Variants in MUL1 observed in about 807,000 individuals in gnomAD.
MUL1 encodes mitochondrial ubiquitin ligase activator of NFKB 1.
Under a neutral mutation model 34.1 loss-of-function variants are expected in MUL1, and 30 were observed. The observed-to-expected ratio is 0.88, with a 90% CI of 0.66 to 1.19. MUL1 has a LOEUF of 1.19. Among genes scored for constraint, MUL1 ranks in the 50% most tolerant of loss-of-function variants. The pLI, the probability that MUL1 is intolerant of heterozygous loss-of-function variation, is 0.00. For missense variants in MUL1, 419 were observed against 450.5 expected (o/e 0.93, Z 0.63); for synonymous variants, 191 against 187.8 (o/e 1.02, Z -0.14).
intron 1 of MUL1, among the ~76,000 whole-genome samples, chr1:20,507,278 A>T (rs754965108): frequency 2.4e-4 from 37 of 152,270 alleles, no homozygotes; most frequent in Non-Finnish European, 4.6e-4. Flanking sequence ...ACAGTTCAGA[A>T]AAAAGCGCCA....
Position 20,503,142 on chromosome 1 carries a change from T to A in MUL1, c.208+80A>T, listed in dbSNP as rs111957287. 594 of 1,016,730 alleles carry A rather than the reference T, an allele frequency of 5.8e-4. 6 individuals are homozygous for A. In the African/African-American group the frequency reaches 8.5e-3, roughly 14 times the overall value. The allele number at this position is 1,016,730 out of a possible 1,614,324, so 63.0% of individuals were successfully genotyped here. ...CCATGGACCCAACACCACAAAAGGCTCTTCATATTAGCCAAGATGATCTTT... is the reference window on the plus strand; with the variant it reads ...CCATGGACCCAACACCACAAAAGGCACTTCATATTAGCCAAGATGATCTTT... On this transcript the variant is annotated intron_variant, in intron 2 of 3. Transcript: ENST00000264198.
Position 20,502,427 on chromosome 1 carries a change from T to C in MUL1, c.209-238A>G, listed in dbSNP as rs2051671388. Among the ~76,000 whole-genome samples the C allele has an allele frequency of 2.0e-5, 3 of 152,282 alleles. No homozygotes were observed. The South Asian group carries it at 6.2e-4, about 32-fold the overall frequency. On this transcript the variant is annotated intron_variant, in intron 2 of 3. Transcript: ENST00000264198. ...AGCAGGGTGTGGTGGCATGTGCCTGTAGTCCCAGATACTTGGGAGGCTGAG... is the reference window on the plus strand; with the variant it reads ...AGCAGGGTGTGGTGGCATGTGCCTGCAGTCCCAGATACTTGGGAGGCTGAG...
In MUL1 at chr1:20,501,620, G is replaced by A. The variant is rs112204328; in HGVS notation, c.330-201C>T. On this transcript the variant is annotated intron_variant, in intron 3 of 3. Coordinates refer to ENST00000264198, the MANE Select transcript of MUL1 (RefSeq NM_024544.3). This position sits in a 1 kb window ranked among gnomAD's most constrained non-coding sequence, Gnocchi z 4.2. ...CGATATCAGTGGGCAACAAATAACC[G>A]CCACAGACTATCATTTCCCTTTCCA... Among the ~76,000 whole-genome samples, 372 of 152,246 alleles carry A rather than the reference G, an allele frequency of 2.4e-3. 2 individuals are homozygous for A. The highest frequency in any genetic ancestry group is 8.2e-3 in the African/African-American group (342 of 41,544).
chr1:20,507,773 G>A (rs1168905355), intron 1 of MUL1, 132 bp downstream of exon 1: 1 of 1,327,562 alleles, frequency 7.5e-7, no homozygotes, highest in Non-Finnish European at 1.0e-6. Flanking sequence ...CTACTGGCTG[G>A]ATGACACCCT....
rs770403288 is a variant in MUL1 at position 20,500,707 on chromosome 1, G to C, written c.1042C>G (p.Pro348Ala). The change falls in exon 4 of 4, where the codon CCC becomes GCC. Residue 348 changes from proline (P) to alanine (A), a missense_variant. Pro to Ala is a conservative substitution (Grantham distance 27, BLOSUM62 -1). Coordinates refer to ENST00000264198, the MANE Select transcript of MUL1 (RefSeq NM_024544.3). Reference protein sequence around the residue: ...ICRQAITRVIPLYNS With the variant: ...ICRQAITRVIALYNS ...CCAAACTATTAGCTGTTGTACAGGG[G>C]TATCACCCGGGTGATCGCCTGTCTG... 6.3e-7 allele frequency: 1 copy of C among 1,586,908 alleles called. No individual in the cohort carries two copies. The highest frequency in any genetic ancestry group is 8.6e-7 in the Non-Finnish European group (1 of 1,165,498).
At position 20,504,495 on chromosome 1, in the gene MUL1, G is replaced by A. The variant is rs113727665; in HGVS notation, c.121-1186C>T. 2.4e-3 allele frequency among the ~76,000 whole-genome samples: 360 copies of A among 152,348 alleles called. 2 individuals are homozygous for A. The highest frequency in any genetic ancestry group is 8.1e-3 in the African/African-American group (335 of 41,588). ...ATTCAGTAACCTCTAAAGAGGTGAT[G>A]TGATACAAGATGTATATGAAGGTCA... On this transcript the variant is annotated intron_variant, in intron 1 of 3. Coordinates refer to ENST00000264198, the MANE Select transcript of MUL1 (RefSeq NM_024544.3).
chr1:20,505,046 A>G (rs1043831053), intron 1 of MUL1, among the ~76,000 whole-genome samples: 19 of 152,216 alleles, frequency 1.2e-4, no homozygotes, highest in Non-Finnish European at 1.5e-4. Context: ...TCTAGCGCCA[A>G]TGCATCCACT....
At chr1:20,502,335 G>A in intron 2 of MUL1, 146 bp from the exon 3 acceptor site, 11 of 1,087,524 alleles carry the variant, frequency 1.0e-5, no homozygotes, top group Middle Eastern at 3.1e-4. Context: ...GATCACTTGG[G>A]GCCACGAGTT....
At chr1:20,507,381 C>T (rs1008539523) in intron 1 of MUL1, among the ~76,000 whole-genome samples, 32 of 152,294 alleles carry the variant, frequency 2.1e-4, no homozygotes, top group African/African-American at 7.7e-4. Flanking sequence ...GCTGTTCCTT[C>T]CATCTCCCGC....
chr1:20,503,840 G>T (rs1385670289), intron 1 of MUL1, among the ~76,000 whole-genome samples: 1 of 151,694 alleles, frequency 6.6e-6, no homozygotes, highest in Non-Finnish European at 1.5e-5. Flanking sequence ...GCTTCAACAG[G>T]AAGACTGTTA....
At chr1:20,502,966 T>G (rs1292160508) in intron 2 of MUL1, among the ~76,000 whole-genome samples, 1 of 152,144 alleles carries the variant, frequency 6.6e-6, no homozygotes, top group Non-Finnish European at 1.5e-5. Context: ...TCCTAAGCAC[T>G]TTGCATGGAT....
Position 20,501,984 on chromosome 1 carries a change from T to C in MUL1, c.329+85A>G. 1.9e-6 allele frequency: 3 copies of C among 1,567,842 alleles called. No homozygotes were observed. Among genetic ancestry groups the C allele is most frequent in the Admixed American group, 3.4e-5 (2 of 58,872 alleles). ...GGCTTCAACCTGTCTCAGGAGAAGC[T>C]GAAGTCACGGCAACAGCACCCAGGA... On this transcript the variant is annotated intron_variant, in intron 3 of 3. Transcript: ENST00000264198. The surrounding 1 kb of genome is among the most constrained non-coding windows in gnomAD (Gnocchi z 4.2).
chr1:20,503,251 C>T lies in MUL1; in HGVS notation c.179G>A (p.Gly60Glu). Residue 60 changes from glycine (G) to glutamate (E), a missense_variant, in exon 2 of 4, where the codon GGA becomes GAA. Transcript: ENST00000264198. ...DLKSILSEAPGKCVPYAVIEG... is the reference protein window; with the variant it reads ...DLKSILSEAPEKCVPYAVIEG... ...TATAACAGCATAAGGCACGCATTTT[C>T]CTGGAGCTTCTGAAAGAATACTCTT... 6.2e-7 allele frequency: 1 copy of T among 1,610,554 alleles called. No homozygotes were observed.
In MUL1 at chr1:20,507,923, C is replaced by G; in HGVS notation, c.102G>C (p.Arg34=). Residue 34 remains arginine (R), a synonymous_variant, in exon 1 of 4, where the codon CGG becomes CGC. Coordinates refer to ENST00000264198, the MANE Select transcript of MUL1 (RefSeq NM_024544.3). ...ALYSVYRQKA[R]VSQELKGAKK... ...CACTGACCTTGAGCTCTTGGGAGACCCGGGCCTTCTGCCGGTACACGGAGT... is the reference window on the plus strand; with the variant it reads ...CACTGACCTTGAGCTCTTGGGAGACGCGGGCCTTCTGCCGGTACACGGAGT... The G allele has an allele frequency of 6.3e-7, 1 of 1,596,588 alleles. No homozygotes were observed.
chr1:20,507,056 T>G (rs2051722265), intron 1 of MUL1, among the ~76,000 whole-genome samples: 1 of 151,788 alleles, frequency 6.6e-6, no homozygotes, highest in Admixed American at 6.6e-5. Flanking sequence ...GGTGAAACCC[T>G]GTGTCTACTA....
chr1:20,506,175 G>A (rs968772023), intron 1 of MUL1, among the ~76,000 whole-genome samples: 1 of 152,106 alleles, frequency 6.6e-6, no homozygotes, highest in Non-Finnish European at 1.5e-5. Context: ...AAAACAATCT[G>A]ATAATTAAGT....
intron 1 of MUL1, among the ~76,000 whole-genome samples, chr1:20,506,760 A>C (rs1332096504): frequency 6.6e-6 from 1 of 151,834 alleles, no homozygotes; most frequent in Non-Finnish European, 1.5e-5. Flanking sequence ...TGAGGCAGGA[A>C]AATCACTTGA....
chr1:20,503,606 G>A (rs953873474), intron 1 of MUL1, among the ~76,000 whole-genome samples: 3 of 152,156 alleles, frequency 2.0e-5, no homozygotes, highest in African/African-American at 7.2e-5. Context: ...AATATAAAAG[G>A]TACTAGTCAA....
In MUL1 at chr1:20,501,493, A is replaced by G; in HGVS notation, c.330-74T>C. 4.0e-6 allele frequency: 6 copies of G among 1,490,772 alleles called. No homozygotes were observed. Among genetic ancestry groups the G allele is most frequent in the Non-Finnish European group, 5.5e-6 (6 of 1,100,540 alleles). The allele number at this position is 1,490,772 out of a possible 1,614,324, so 92.3% of individuals were successfully genotyped here. A position where few individuals can be genotyped will look rare whatever the true frequency, so the allele number is the denominator to read the frequency against. ...CCAGGCAGAACTGGAGATCAACTAA[A>G]TGTGGAGGACAGCATATGGTCTGAA... is the stretch of plus-strand genomic sequence containing the variant. On this transcript the variant is annotated intron_variant, in intron 3 of 3. Transcript: ENST00000264198. The surrounding 1 kb of genome is among the most constrained non-coding windows in gnomAD (Gnocchi z 4.2).
Sources: allele counts gnomAD v4.1 joint callset (sites outside exome capture counted in the v4.1 genomes callset), GRCh38; gene constraint gnomAD v4.1.1; non-coding constraint Gnocchi (gnomAD v3.1); transcripts MANE v1.5; gene names NCBI Gene and HGNC (gene_info 2026-07-23, HGNC 2026-07-21).